CACNG4: variants seen among roughly 807,000 people sequenced by gnomAD.
The protein encoded by CACNG4 is calcium voltage-gated channel auxiliary subunit gamma 4, also known as voltage-dependent calcium channel gamma-4 subunit.
CACNG4 carries 8 observed loss-of-function variants against 22.9 expected under a neutral mutation model. The ratio of observed to expected loss-of-function variants is 0.35; its 90% CI spans 0.21 to 0.63. The LOEUF (loss-of-function observed/expected upper bound fraction) is 0.63. Among genes scored for constraint, CACNG4 ranks in the 30% least tolerant of loss-of-function variants. The pLI is 0.72. For synonymous variants in CACNG4, 188 were observed against 191.9 expected (o/e 0.98, Z 0.17); for missense variants, 357 against 455.4 (o/e 0.78, Z 1.97).
Position 67,007,119 on chromosome 17 carries a change from G to A in CACNG4, c.221-11070G>A, listed in dbSNP as rs146065188. Among the ~76,000 whole-genome samples the A allele has an allele frequency of 6.9e-4, 105 of 152,216 alleles. 3 individuals carry two copies. The East Asian group carries it at 0.016, about 23-fold the overall frequency. On this transcript the variant is annotated intron_variant, in intron 1 of 3. Transcript: ENST00000262138. The stretch of plus-strand genomic sequence containing the variant: ...GAACCCAGGAGGCAGAGGTTGCAGT[G>A]AGCTGAGATTGCACCACTGCACTCT...
At chr17:67,014,017 G>T (rs1333928343) in intron 1 of CACNG4, among the ~76,000 whole-genome samples, 1 of 152,136 alleles carries the variant, frequency 6.6e-6, no homozygotes, top group African/African-American at 2.4e-5. Context: ...AGATGAAGAA[G>T]TAACTTGCCT....
chr17:67,027,364 G>A lies in CACNG4; in HGVS notation c.445+2364G>A, dbSNP rs1395646584. 6.6e-6 allele frequency among the ~76,000 whole-genome samples: 1 copy of A among 152,222 alleles called. No individual in the cohort carries two copies. The highest frequency in any genetic ancestry group is 1.5e-5 in the Non-Finnish European group (1 of 68,046). Reference sequence around the variant, plus strand: ...GAGTCCAGGCAGAGAAGGTGGCCGCGGCTGGCTGCAAGGAAGCAATGGGGA... The same window carrying A: ...GAGTCCAGGCAGAGAAGGTGGCCGCAGCTGGCTGCAAGGAAGCAATGGGGA... On this transcript the variant is annotated intron_variant, in intron 3 of 3. Transcript: ENST00000262138. The surrounding 1 kb of genome is among the most constrained non-coding windows in gnomAD (Gnocchi z 4.3).
chr17:66,972,954 A>AC (rs1460293392), intron 1 of CACNG4, among the ~76,000 whole-genome samples: 5 of 150,876 alleles, frequency 3.3e-5, no homozygotes, highest in African/African-American at 9.8e-5. Context: ...AAACAAACAA[A>AC]AAAAACAGAG....
intron 1 of CACNG4, among the ~76,000 whole-genome samples, chr17:67,012,564 C>G (rs1404953581): frequency 6.6e-6 from 1 of 152,158 alleles, no homozygotes; most frequent in Non-Finnish European, 1.5e-5. Context: ...AACTGCCCAC[C>G]AAGGGACAGC....
intron 1 of CACNG4, among the ~76,000 whole-genome samples, chr17:66,996,253 A>AC (rs1555577896): frequency 1.3e-5 from 2 of 150,214 alleles, no homozygotes; most frequent in Admixed American, 6.6e-5. Flanking sequence ...GGCAGAGTGG[A>AC]TTTTTTTTTC....
intron 1 of CACNG4, among the ~76,000 whole-genome samples, chr17:67,003,857 C>T (rs528500647): frequency 6.6e-6 from 1 of 152,300 alleles, no homozygotes; most frequent in South Asian, 2.1e-4. Context: ...AGCTTATCAC[C>T]ATGGAAATGG....
intron 1 of CACNG4, among the ~76,000 whole-genome samples, chr17:66,986,615 G>T (rs964783216): frequency 6.6e-6 from 1 of 152,200 alleles, no homozygotes; most frequent in African/African-American, 2.4e-5. Context: ...GGCACAGATC[G>T]CTTGGAGCAG....
At position 67,033,157 on chromosome 17, in the gene CACNG4, G is replaced by T. The variant is rs2035619915; in HGVS notation, c.*2153G>T. ...CTCAGCCTTCTCCCCGCGGCCAGCT[G>T]GGTCTCCGGGGACCCTGGGCCCTGG... On this transcript the variant is annotated 3_prime_UTR_variant, in exon 4 of 4. Coordinates refer to ENST00000262138, the MANE Select transcript of CACNG4 (RefSeq NM_014405.4). 1 of 152,208 alleles carries T rather than the reference G, an allele frequency of 6.6e-6. No individual in the cohort carries two copies. The highest frequency in any genetic ancestry group is 1.5e-5 in the Non-Finnish European group (1 of 68,070). 9.4% of individuals were successfully genotyped at this position (152,208 alleles called of 1,614,324 possible). A position where few individuals can be genotyped will look rare whatever the true frequency, so the allele number is the denominator to read the frequency against.
chr17:67,009,664 G>GC (rs1408878081), intron 1 of CACNG4, among the ~76,000 whole-genome samples: 2 of 152,194 alleles, frequency 1.3e-5, no homozygotes, highest in Non-Finnish European at 2.9e-5. Flanking sequence ...TCTGGAGGCT[G>GC]CGAAGTCCAA....
chr17:67,017,498 CGTTGTTGTTGTT>C (rs34653846), intron 1 of CACNG4, among the ~76,000 whole-genome samples: 2 of 150,222 alleles, frequency 1.3e-5, no homozygotes, highest in Non-Finnish European at 3.0e-5. Context: ...TGGGCAAATT[CGTTGTTGTTGTT>C]GTTGTTGTTG....
intron 1 of CACNG4, among the ~76,000 whole-genome samples, chr17:66,985,950 AAAAGAAG>A (rs1363916914): frequency 2.0e-5 from 3 of 151,830 alleles, no homozygotes; most frequent in Non-Finnish European, 4.4e-5. Context: ...AAGGAAAAAA[AAAAGAAG>A]AAGAAGAAGA....
At chr17:67,023,456 T>C (rs2143365757) in intron 2 of CACNG4, among the ~76,000 whole-genome samples, 1 of 151,914 alleles carries the variant, frequency 6.6e-6, no homozygotes, top group South Asian at 2.1e-4. Flanking sequence ...TTTGTATTTT[T>C]CCTAGAGATA....
chr17:66,967,012 A>G (rs185936902), intron 1 of CACNG4, among the ~76,000 whole-genome samples: 7 of 152,324 alleles, frequency 4.6e-5, no homozygotes, highest in Admixed American at 3.9e-4. Flanking sequence ...TGGCACAGTA[A>G]GTCATAAGTC....
intron 1 of CACNG4, among the ~76,000 whole-genome samples, chr17:66,986,124 A>T (rs920515044): frequency 6.6e-6 from 1 of 152,166 alleles, no homozygotes; most frequent in African/African-American, 2.4e-5. Flanking sequence ...TGCCTAAGAA[A>T]TCTGGTACTA....
At chr17:66,978,980 G>A (rs950008442) in intron 1 of CACNG4, among the ~76,000 whole-genome samples, 2 of 152,184 alleles carry the variant, frequency 1.3e-5, no homozygotes, top group African/African-American at 4.8e-5. Context: ...CAGTCTCTGG[G>A]GGAGTTCCCT....
intron 3 of CACNG4, among the ~76,000 whole-genome samples, chr17:67,026,576 G>GGT (rs148348302): frequency 6.8e-6 from 1 of 147,758 alleles, no homozygotes; most frequent in South Asian, 2.2e-4. Flanking sequence ...TGAGGACTAT[G>GGT]GTGTGTGTGT....
intron 1 of CACNG4, among the ~76,000 whole-genome samples, chr17:67,006,288 A>T (rs990691073): frequency 1.3e-5 from 2 of 152,204 alleles, no homozygotes; most frequent in Non-Finnish European, 2.9e-5. Flanking sequence ...AATGACAGAC[A>T]TTCAGAGCCT....
intron 1 of CACNG4, among the ~76,000 whole-genome samples, chr17:66,982,161 C>T (rs143711981): frequency 1.3e-5 from 2 of 152,348 alleles, no homozygotes; most frequent in South Asian, 2.1e-4. Flanking sequence ...AAAGAACAAG[C>T]TTCCACGAGT....
At chr17:66,996,195 T>C (rs1370623027) in intron 1 of CACNG4, among the ~76,000 whole-genome samples, 1 of 152,108 alleles carries the variant, frequency 6.6e-6, no homozygotes, top group Admixed American at 6.6e-5. Context: ...TTGGGCATTC[T>C]GATGGCATTC....
Sources: allele counts gnomAD v4.1 joint callset (sites outside exome capture counted in the v4.1 genomes callset), GRCh38; gene constraint gnomAD v4.1.1; non-coding constraint Gnocchi (gnomAD v3.1); transcripts MANE v1.5; gene names NCBI Gene and HGNC (gene_info 2026-07-23, HGNC 2026-07-21).